The following ZNF658 variants were observed in gnomAD, a reference collection of about 807,000 sequenced individuals.
ZNF658 encodes the protein zinc finger protein 658.
In ZNF658, 46 loss-of-function variants were observed where a neutral mutation model predicts 78.0. The observed-to-expected ratio is 0.59, with a 90% confidence interval of 0.47 to 0.75. The LOEUF is 0.75. ZNF658 is among the 30% of genes least tolerant of loss of function. ZNF658 has a pLI of 0.00. For missense variants in ZNF658, 785 were observed against 1,189.3 expected (o/e 0.66, Z 5.00); for synonymous variants, 279 against 408.4 (o/e 0.68, Z 3.82).
chr9:66,925,678 CCAAT>C (rs919017098), downstream of ZNF658, among the ~76,000 whole-genome samples: 2 of 152,076 alleles, frequency 1.3e-5, no homozygotes, highest in Non-Finnish European at 2.9e-5. Flanking sequence ...AGAATTAATA[CCAAT>C]CATTTTAAAA....
chr9:66,900,976 C>T (rs1032329975), intron 1 of ZNF658, 140 bp downstream of exon 1: 2 of 152,152 alleles, frequency 1.3e-5, no homozygotes, highest in South Asian at 2.1e-4. Flanking sequence ...TGCGCGGGCC[C>T]AGGCCGAGTC....
chr9:66,921,174 AT>A lies in ZNF658; in HGVS notation c.*430del, dbSNP rs1198324546. On this transcript the variant is annotated 3_prime_UTR_variant, in exon 5 of 5. Coordinates refer to ENST00000621410, the MANE Select transcript of ZNF658 (RefSeq NM_033160.7). ...TGTTAAGCTCTTACAAATTTGGCTT[AT>A]TAGTTAAATGGACGTAGTTTAGCTT... 1 of 161,854 alleles carries A rather than the reference AT, an allele frequency of 6.2e-6. No homozygotes were observed. Among genetic ancestry groups the A allele is most frequent in the Non-Finnish European group, 1.4e-5 (1 of 73,134 alleles). 10.0% of individuals were successfully genotyped at this position (161,854 alleles called of 1,614,324 possible).
intron 2 of ZNF658, among the ~76,000 whole-genome samples, chr9:66,907,339 G>C (rs975786262): frequency 2.6e-5 from 4 of 151,760 alleles, no homozygotes; most frequent in Admixed American, 1.3e-4. Context: ...CTTCTAACAC[G>C]TTTTCTTCTT....
intron 2 of ZNF658, among the ~76,000 whole-genome samples, chr9:66,907,790 C>G (rs1822112538): frequency 1.3e-5 from 2 of 152,180 alleles, no homozygotes; most frequent in Admixed American, 1.3e-4. Context: ...GTGCCAGTCT[C>G]TTTGGTTACA....
At chr9:66,925,712 C>T (rs1438850743), downstream of ZNF658, among the ~76,000 whole-genome samples, 8 of 152,070 alleles carry the variant, frequency 5.3e-5, no homozygotes, top group Non-Finnish European at 7.4e-5. Flanking sequence ...AAAAATCAAA[C>T]AGGAGAGAAT....
intron 6 of ZNF658, among the ~76,000 whole-genome samples, chr9:66,930,707 T>C (rs1159654529): frequency 6.6e-6 from 1 of 152,110 alleles, no homozygotes; most frequent in Non-Finnish European, 1.5e-5. Flanking sequence ...TCACATTTTT[T>C]CAACATTTCC....
downstream of ZNF658, among the ~76,000 whole-genome samples, chr9:66,923,968 G>A (rs1213623485): frequency 1.2e-4 from 17 of 144,058 alleles, no homozygotes; most frequent in African/African-American, 3.6e-4. Context: ...GGCCAACATG[G>A]CAAAACCACG....
rs540786169 is a variant in ZNF658 at position 66,910,271 on chromosome 9, GA to G, written c.238+1540del. ...GGCTTTGTACGAATAAATGATTCCA[GA>G]AATCTTAAAAAGTTATAGTTTTCAA... On this transcript the variant is annotated intron_variant, in intron 4 of 4. Transcript: ENST00000621410. Among the ~76,000 whole-genome samples the G allele has an allele frequency of 2.0e-4, 30 of 152,164 alleles. No individual in the cohort carries two copies. The East Asian group carries it at 5.6e-3, about 28-fold the overall frequency.
rs375581570 is a variant in ZNF658, at chr9:66,908,307, G to T, written c.85G>T (p.Glu29Ter). Residue 29 changes from glutamate (E) to a stop codon, truncating the protein, a stop_gained, in exon 3 of 5, where the codon GAG (glutamate) becomes TAG (stop). Coordinates refer to ENST00000621410, the MANE Select transcript of ZNF658 (RefSeq NM_033160.7). LOFTEE classifies it high-confidence loss of function. ...GGAGTGGCAGCACCTGGGCCCTGTCGAGAGGACGCTGTACAGAGATGTGAT... is the reference window on the plus strand; with the variant it reads ...GGAGTGGCAGCACCTGGGCCCTGTCTAGAGGACGCTGTACAGAGATGTGAT... ...REEWQHLGPV[E>*]RTLYRDVMLE... 11 of 1,614,110 alleles carry T rather than the reference G, an allele frequency of 6.8e-6. No homozygotes were observed. The highest frequency in any genetic ancestry group is 9.3e-6 in the Non-Finnish European group (11 of 1,180,000).
intron 4 of ZNF658, among the ~76,000 whole-genome samples, chr9:66,913,540 C>T (rs1307195294): frequency 2.0e-5 from 3 of 152,140 alleles, no homozygotes; most frequent in African/African-American, 7.2e-5. Flanking sequence ...ACCTCACTCC[C>T]GCTAGTATAA....
downstream of ZNF658, among the ~76,000 whole-genome samples, chr9:66,924,006 C>A (rs1822562303): frequency 6.7e-6 from 1 of 149,244 alleles, no homozygotes; most frequent in Admixed American, 6.7e-5. Flanking sequence ...AAAAAATAAG[C>A]CAGGAATGGT....
At chr9:66,910,971 C>G (rs1332422) in intron 4 of ZNF658, among the ~76,000 whole-genome samples, 4 of 151,426 alleles carry the variant, frequency 2.6e-5, no homozygotes, top group African/African-American at 9.7e-5. Context: ...ATTTGAATGA[C>G]TGCACCAAAT....
chr9:66,905,246 T>C (rs1369898372), intron 2 of ZNF658, among the ~76,000 whole-genome samples: 1 of 151,016 alleles, frequency 6.6e-6, no homozygotes, highest in East Asian at 1.9e-4. Flanking sequence ...TGGCTAATTT[T>C]AGTATTTTTA....
intron 2 of ZNF658, among the ~76,000 whole-genome samples, chr9:66,905,169 G>A (rs1253145182): frequency 5.3e-5 from 7 of 131,296 alleles, no homozygotes; most frequent in African/African-American, 1.4e-4. Flanking sequence ...TCCACCTTCC[G>A]GGTTCAAGCA....
chr9:66,912,419 A>G (rs1822234481), intron 4 of ZNF658, among the ~76,000 whole-genome samples: 1 of 84,684 alleles, frequency 1.2e-5, no homozygotes, highest in Non-Finnish European at 2.3e-5. Context: ...TTTCTACTCT[A>G]CCCACTAAGT....
In ZNF658 at chr9:66,921,034, A is replaced by G. The variant is rs890356147; in HGVS notation, c.*288A>G. The G allele has an allele frequency of 2.2e-6, 1 of 464,892 alleles. No homozygotes were observed. The highest frequency in any genetic ancestry group is 3.9e-6 in the Non-Finnish European group (1 of 256,334). The allele number at this position is 464,892 out of a possible 1,614,324, so 28.8% of individuals were successfully genotyped here. On this transcript the variant is annotated 3_prime_UTR_variant, in exon 5 of 5. Transcript: ENST00000621410. ...AGCAAACTTGGGTCCTGTGTGTTCA[A>G]AACCATAGAGCACAAGGTCAAGGAA...
intron 2 of ZNF658, among the ~76,000 whole-genome samples, chr9:66,905,429 G>A (rs1822058136): frequency 6.6e-6 from 1 of 151,018 alleles, no homozygotes; most frequent in South Asian, 2.1e-4. Flanking sequence ...TTTTGGGCAT[G>A]TAGATTTATC....
downstream of ZNF658, among the ~76,000 whole-genome samples, chr9:66,925,999 A>T (rs1215055798): frequency 2.2e-5 from 3 of 138,402 alleles, no homozygotes; most frequent in Non-Finnish European, 4.8e-5. Context: ...AAATCATCTC[A>T]ATAGATTTAA....
At chr9:66,900,901 G>A (rs933493342) in intron 1 of ZNF658, 65 bp downstream of exon 1, 15 of 152,056 alleles carry the variant, frequency 9.9e-5, no homozygotes, top group African/African-American at 3.6e-4. Context: ...GCTTGTGTGC[G>A]GAGGACAGCA....
Sources: gnomAD v4.1 joint callset for allele counts (sites outside exome capture counted in the v4.1 genomes callset) on GRCh38, gnomAD v4.1.1 for gene constraint, MANE v1.5 for transcripts, NCBI Gene and HGNC (gene_info 2026-07-23, HGNC 2026-07-21) for gene names.